The following ANO10 variants were observed in gnomAD, a reference collection of about 807,000 sequenced individuals.
ANO10 encodes anoctamin-10.
Under a neutral mutation model 74.7 loss-of-function variants are expected in ANO10, and 77 were observed. The observed-to-expected ratio is 1.03, with a 90% CI of 0.86 to 1.25. The LOEUF is 1.25. ANO10 is among the 50% of genes most tolerant of loss of function. The pLI, the probability that ANO10 is intolerant of heterozygous loss-of-function variation, is 0.00. For missense variants in ANO10, 721 were observed against 778.1 expected (o/e 0.93, Z 0.87); for synonymous variants, 279 against 284.9 (o/e 0.98, Z 0.21).
intron 11 of ANO10, among the ~76,000 whole-genome samples, chr3:43,539,832 C>T (rs754517313): frequency 2.6e-5 from 4 of 152,138 alleles, no homozygotes; most frequent in Non-Finnish European, 5.9e-5. Flanking sequence ...CAATTGTTTT[C>T]TGAAAACAAC....
At chr3:43,404,038 A>G (rs536834259) in intron 12 of ANO10, among the ~76,000 whole-genome samples, 42 of 152,310 alleles carry the variant, frequency 2.8e-4, no homozygotes, top group African/African-American at 9.6e-4. Context: ...TTATATGACA[A>G]GGGTGAAGAG....
At chr3:43,643,928 C>T (rs2083700119) in intron 1 of ANO10, among the ~76,000 whole-genome samples, 2 of 152,046 alleles carry the variant, frequency 1.3e-5, no homozygotes, top group African/African-American at 4.8e-5. Context: ...TCATGATCCG[C>T]CCGCCTTGAT....
intron 11 of ANO10, among the ~76,000 whole-genome samples, chr3:43,507,097 G>T (rs914598788): frequency 6.6e-6 from 1 of 152,110 alleles, no homozygotes; most frequent in Non-Finnish European, 1.5e-5. Flanking sequence ...AGTCCTGTCA[G>T]TTTCATAAGA....
intron 6 of ANO10, among the ~76,000 whole-genome samples, chr3:43,575,761 C>T (rs369897554): frequency 6.6e-6 from 1 of 152,148 alleles, no homozygotes; most frequent in African/African-American, 2.4e-5. Flanking sequence ...CCTCAGCCTC[C>T]TGAGTAGTTG....
chr3:43,648,528 T>C (rs1003120227), intron 1 of ANO10, among the ~76,000 whole-genome samples: 2 of 152,160 alleles, frequency 1.3e-5, no homozygotes, highest in African/African-American at 4.8e-5. Flanking sequence ...TATTCATGCC[T>C]CCCCTTTTTA....
intron 11 of ANO10, among the ~76,000 whole-genome samples, chr3:43,542,309 G>A (rs970809343): frequency 6.6e-6 from 1 of 152,102 alleles, no homozygotes; most frequent in Non-Finnish European, 1.5e-5. Flanking sequence ...GAGGGAGGGA[G>A]GGCTAGGCTG....
At chr3:43,462,550 G>C (rs2075425913) in intron 11 of ANO10, among the ~76,000 whole-genome samples, 1 of 152,154 alleles carries the variant, frequency 6.6e-6, no homozygotes, top group African/African-American at 2.4e-5. Context: ...ATTTTTATAA[G>C]GGAAGCAGAG....
chr3:43,370,349 T>G (rs1336835066), intron 12 of ANO10, among the ~76,000 whole-genome samples: 2 of 152,224 alleles, frequency 1.3e-5, no homozygotes, highest in African/African-American at 4.8e-5. Context: ...GTTTTTCCAC[T>G]GGCCACCCCA....
intron 12 of ANO10, among the ~76,000 whole-genome samples, chr3:43,404,080 A>G (rs2092531697): frequency 6.6e-6 from 1 of 152,210 alleles, no homozygotes; most frequent in South Asian, 2.1e-4. Context: ...GTCCCTATTC[A>G]GCTGACTTTA....
chr3:43,660,501 T>C (rs1316883064), intron 1 of ANO10, among the ~76,000 whole-genome samples: 1 of 151,914 alleles, frequency 6.6e-6, no homozygotes, highest in African/African-American at 2.4e-5. Flanking sequence ...ATATCAGTGA[T>C]TGAAGATCAA....
intron 4 of ANO10, among the ~76,000 whole-genome samples, chr3:43,587,709 C>G (rs1036233012): frequency 1.3e-5 from 2 of 152,018 alleles, no homozygotes; most frequent in African/African-American, 4.8e-5. Flanking sequence ...CCTACTGAAT[C>G]AAGATCCGAC....
intron 1 of ANO10, among the ~76,000 whole-genome samples, chr3:43,616,069 G>A (rs1367601763): frequency 6.6e-6 from 1 of 152,114 alleles, no homozygotes; most frequent in Admixed American, 6.5e-5. Flanking sequence ...TTGTTCTGAG[G>A]AAAGGTCACA....
intron 12 of ANO10, among the ~76,000 whole-genome samples, chr3:43,381,350 A>T (rs566305082): frequency 6.6e-6 from 1 of 152,274 alleles, no homozygotes; most frequent in African/African-American, 2.4e-5. Flanking sequence ...ACTCACATAA[A>T]CTTAAGGTAA....
intron 1 of ANO10, among the ~76,000 whole-genome samples, chr3:43,612,777 G>A (rs2082890829): frequency 6.6e-6 from 1 of 152,164 alleles, no homozygotes; most frequent in South Asian, 2.1e-4. Flanking sequence ...AACAGATTCA[G>A]GATATCTGGC....
chr3:43,634,785 G>A (rs568881686), intron 1 of ANO10, among the ~76,000 whole-genome samples: 2 of 152,284 alleles, frequency 1.3e-5, no homozygotes, highest in African/African-American at 4.8e-5. Flanking sequence ...ATAAATATAA[G>A]ATAAAGAATG....
At chr3:43,493,666 A>C (rs1215057304) in intron 11 of ANO10, among the ~76,000 whole-genome samples, 1 of 152,244 alleles carries the variant, frequency 6.6e-6, no homozygotes, top group Non-Finnish European at 1.5e-5. Flanking sequence ...CCCAATTAAG[A>C]TAAACAAACA....
At chr3:43,519,944 T>C (rs1197707412) in intron 11 of ANO10, among the ~76,000 whole-genome samples, 1 of 152,160 alleles carries the variant, frequency 6.6e-6, no homozygotes, top group Non-Finnish European at 1.5e-5. Flanking sequence ...TTTCAGAATG[T>C]AGAGGTCCAC....
chr3:43,649,268 T>C (rs1037106330), intron 1 of ANO10, among the ~76,000 whole-genome samples: 1 of 152,174 alleles, frequency 6.6e-6, no homozygotes, highest in Non-Finnish European at 1.5e-5. Context: ...TAAAATGGGG[T>C]TATGTTTTGT....
intron 12 of ANO10, among the ~76,000 whole-genome samples, chr3:43,376,634 A>G (rs2091816754): frequency 6.6e-6 from 1 of 152,216 alleles, no homozygotes; most frequent in Middle Eastern, 3.2e-3. Context: ...GAGGACCAAA[A>G]AGACAATGAA....
Sources: gnomAD v4.1 joint callset for allele counts (sites outside exome capture counted in the v4.1 genomes callset) on GRCh38, gnomAD v4.1.1 for gene constraint, MANE v1.5 for transcripts, NCBI Gene and HGNC (gene_info 2026-07-23, HGNC 2026-07-21) for gene names.